Variants in SPATS1 observed in about 807,000 individuals in gnomAD.
SPATS1 encodes the protein spermatogenesis-associated serine-rich protein 1.
A neutral mutation model predicts 33.6 loss-of-function variants in SPATS1; 23 were observed. The ratio of observed to expected loss-of-function variants is 0.68; its 90% CI spans 0.49 to 0.97. The LOEUF (loss-of-function observed/expected upper bound fraction) is 0.97. Among genes scored for constraint, SPATS1 ranks in the 50% least tolerant of loss-of-function variants. The pLI, the probability that SPATS1 is intolerant of heterozygous loss-of-function variation, is 0.00. For synonymous variants in SPATS1, 131 were observed against 125.6 expected (o/e 1.04, Z -0.29); for missense variants, 327 against 361.0 (o/e 0.91, Z 0.76).
At chr6:44,363,664 CTCCT>C (rs1221300196) in intron 5 of SPATS1, among the ~76,000 whole-genome samples, 1 of 15,134 alleles carries the variant, frequency 6.6e-5, no homozygotes, top group Non-Finnish European at 1.4e-4. Flanking sequence ...CCCTCCTTCC[CTCCT>C]TCCTTCCTTC....
chr6:44,351,583 T>C (rs968609273), intron 2 of SPATS1, among the ~76,000 whole-genome samples: 2 of 152,224 alleles, frequency 1.3e-5, no homozygotes, highest in African/African-American at 4.8e-5. Context: ...GCATAATCTT[T>C]TCATCGGACT....
chr6:44,354,211 G>C (rs1444696466), intron 3 of SPATS1, among the ~76,000 whole-genome samples: 1 of 151,726 alleles, frequency 6.6e-6, no homozygotes, highest in Non-Finnish European at 1.5e-5. Context: ...GTGTGCACCT[G>C]TAATCCTGGC....
chr6:44,347,589 T>C (rs2153364998), intron 2 of SPATS1, among the ~76,000 whole-genome samples: 2 of 152,322 alleles, frequency 1.3e-5, no homozygotes, highest in South Asian at 4.1e-4. Context: ...TTTCACTTAC[T>C]TTTTTCGGGT....
At chr6:44,373,842 A>G (rs1460860873) in intron 7 of SPATS1, among the ~76,000 whole-genome samples, 1 of 152,236 alleles carries the variant, frequency 6.6e-6, no homozygotes, top group Non-Finnish European at 1.5e-5. Flanking sequence ...AGTACCGTTT[A>G]TGCACTTAAT....
chr6:44,365,411 A>G (rs1479005826), intron 5 of SPATS1, among the ~76,000 whole-genome samples: 1 of 152,182 alleles, frequency 6.6e-6, no homozygotes, highest in African/African-American at 2.4e-5. Context: ...TGCCGCAGTA[A>G]CAGTCCCTGA....
At position 44,379,021 on chromosome 6, in the gene SPATS1, A is replaced by G. The variant is rs1561963029; in HGVS notation, c.*1958A>G. 1 of 152,202 alleles carries G rather than the reference A, an allele frequency of 6.6e-6. No homozygotes were observed. 9.4% of individuals were successfully genotyped at this position (152,202 alleles called of 1,614,324 possible). A position where few individuals can be genotyped will look rare whatever the true frequency, so the allele number is the denominator to read the frequency against. On this transcript the variant is annotated 3_prime_UTR_variant, in exon 9 of 9. Coordinates refer to ENST00000674044, the MANE Select transcript of SPATS1 (RefSeq NM_001372081.1). ...GACAGAGGCTGCCAAGAGATTTTCC[A>G]GGACACATTAACTTCTGAAAAGATA... is the stretch of plus-strand genomic sequence containing the variant.
chr6:44,346,280 CA>C (rs3997539), intron 2 of SPATS1, among the ~76,000 whole-genome samples: 44 of 144,692 alleles, frequency 3.0e-4, no homozygotes, highest in African/African-American at 7.9e-4. Context: ...GACCCTGTCT[CA>C]AAAAAAAAAA....
chr6:44,373,352 G>A (rs952232270), intron 7 of SPATS1, among the ~76,000 whole-genome samples: 6 of 152,290 alleles, frequency 3.9e-5, no homozygotes, highest in African/African-American at 1.4e-4. Context: ...TGTGCTGCCT[G>A]TTGTCTCATT....
At chr6:44,355,528 T>G (rs955636718) in intron 3 of SPATS1, among the ~76,000 whole-genome samples, 1 of 152,240 alleles carries the variant, frequency 6.6e-6, no homozygotes, top group Non-Finnish European at 1.5e-5. Context: ...GTCAGATGAA[T>G]AGACCACAAT....
chr6:44,343,379 A>G, intron 2 of SPATS1, 145 bp downstream of exon 2: 1 of 934,124 alleles, frequency 1.1e-6, no homozygotes, highest in Non-Finnish European at 1.7e-6. Flanking sequence ...CTTGAATAGT[A>G]GCTTATGTTT....
chr6:44,357,645 G>C (rs111609156), intron 3 of SPATS1, among the ~76,000 whole-genome samples: 6,418 of 152,260 alleles, frequency 0.042, 369 homozygotes, highest in African/African-American at 0.13. Context: ...GCCTCCCAAA[G>C]TGTTGGGATT....
intron 7 of SPATS1, among the ~76,000 whole-genome samples, chr6:44,372,739 C>T (rs1239035094): frequency 6.6e-6 from 1 of 152,204 alleles, no homozygotes; most frequent in Non-Finnish European, 1.5e-5. Context: ...GGATTACAGG[C>T]GTGAGCCACC....
intron 7 of SPATS1, among the ~76,000 whole-genome samples, chr6:44,373,853 C>G (rs544529694): frequency 6.6e-6 from 1 of 152,286 alleles, no homozygotes; most frequent in East Asian, 1.9e-4. Context: ...TGCACTTAAT[C>G]TACAGGAGAA....
intron 5 of SPATS1, among the ~76,000 whole-genome samples, chr6:44,362,985 T>G (rs1583088378): frequency 6.6e-6 from 1 of 152,034 alleles, no homozygotes; most frequent in African/African-American, 2.4e-5. Context: ...ATTATAGGCA[T>G]GCACCACCAC....
At chr6:44,351,083 A>G (rs528760688) in intron 2 of SPATS1, among the ~76,000 whole-genome samples, 126 of 145,044 alleles carry the variant, frequency 8.7e-4, no homozygotes, top group Admixed American at 1.4e-3. Context: ...AGATCACACC[A>G]CTGAACTCCA....
Position 44,377,151 on chromosome 6 carries a change from C to A in SPATS1, c.*88C>A. ...TTTTTGTCATGTGACTGTTCTAAAT[C>A]CAGTGTTTGACCCTTATGAGGAAGT... On this transcript the variant is annotated 3_prime_UTR_variant, in exon 9 of 9. Coordinates refer to ENST00000674044, the MANE Select transcript of SPATS1 (RefSeq NM_001372081.1). The A allele has an allele frequency of 6.6e-7, 1 of 1,513,774 alleles. No individual in the cohort carries two copies. The highest frequency in any genetic ancestry group is 1.1e-5 in the South Asian group (1 of 88,932). 93.8% of individuals were successfully genotyped at this position (1,513,774 alleles called of 1,614,324 possible). A position where few individuals can be genotyped will look rare whatever the true frequency, so the allele number is the denominator to read the frequency against.
chr6:44,376,043 T>C (rs1225646919), intron 7 of SPATS1, among the ~76,000 whole-genome samples: 2 of 151,504 alleles, frequency 1.3e-5, no homozygotes, highest in Non-Finnish European at 1.5e-5. Context: ...GAGGCGGAGG[T>C]TGCAGTGAGC....
chr6:44,352,994 G>C (rs895678381), intron 3 of SPATS1, 121 bp downstream of exon 3: 1 of 1,086,754 alleles, frequency 9.2e-7, no homozygotes, highest in Non-Finnish European at 1.3e-6. Context: ...AGACTGTGTG[G>C]GTTCAAATCC....
chr6:44,343,597 C>T (rs1174116333), intron 2 of SPATS1: 9 of 434,476 alleles, frequency 2.1e-5, no homozygotes, highest in Non-Finnish European at 3.2e-5. Flanking sequence ...GCCATACTTT[C>T]GAGCCTGTGT....
Sources: gnomAD v4.1 joint callset for allele counts (sites outside exome capture counted in the v4.1 genomes callset) on GRCh38, gnomAD v4.1.1 for gene constraint, MANE v1.5 for transcripts, NCBI Gene and HGNC (gene_info 2026-07-23, HGNC 2026-07-21) for gene names.